The following SGCD variants were observed in gnomAD, a reference collection of about 807,000 sequenced individuals.
SGCD encodes delta-sarcoglycan.
In SGCD, 18 loss-of-function variants were observed where a neutral mutation model predicts 36.6. The observed-to-expected ratio is 0.49, with a 90% CI of 0.34 to 0.73. The LOEUF is 0.73. Among genes scored for constraint, SGCD ranks in the 30% least tolerant of loss-of-function variants. The pLI, the probability that SGCD is intolerant of heterozygous loss-of-function variation, is 0.01. For missense variants in SGCD, 387 were observed against 346.7 expected (o/e 1.12, Z -0.92); for synonymous variants, 133 against 130.6 (o/e 1.02, Z -0.12).
At chr5:155,795,815 A>T in the SGCD span, among the ~76,000 whole-genome samples, 4 of 152,194 alleles carry the variant, frequency 2.6e-5, no homozygotes, top group African/African-American at 9.6e-5. Flanking sequence ...TGTCCTCTAC[A>T]CTGTAAGCAA....
chr5:156,635,100 C>T (rs986643507), intron 6 of SGCD, among the ~76,000 whole-genome samples: 4 of 151,576 alleles, frequency 2.6e-5, no homozygotes, highest in East Asian at 1.9e-4. Context: ...TGACATGTCC[C>T]GGTAGTCAAG....
chr5:155,947,531 G>A (rs1457786827), intron 1 of SGCD, among the ~76,000 whole-genome samples: 1 of 152,012 alleles, frequency 6.6e-6, no homozygotes, highest in Non-Finnish European at 1.5e-5. Context: ...TAAGAATAAG[G>A]CCCATTCACC....
chr5:156,384,978 C>A (rs937741198), intron 3 of SGCD, among the ~76,000 whole-genome samples: 1 of 152,152 alleles, frequency 6.6e-6, no homozygotes, highest in African/African-American at 2.4e-5. Context: ...TGCGAAAGCA[C>A]ACCAATGCTG....
chr5:156,601,979 C>T (rs985039172), intron 6 of SGCD, among the ~76,000 whole-genome samples: 11 of 152,146 alleles, frequency 7.2e-5, no homozygotes, highest in Non-Finnish European at 1.5e-4. Flanking sequence ...CTGAGCCTGG[C>T]CGTGTCATTG....
chr5:155,979,906 T>TGA (rs1758191743), intron 1 of SGCD, among the ~76,000 whole-genome samples: 1 of 152,192 alleles, frequency 6.6e-6, no homozygotes, highest in Admixed American at 6.5e-5. Flanking sequence ...ATTCATATGC[T>TGA]GAGATTCCAG....
intron 3 of SGCD, among the ~76,000 whole-genome samples, chr5:156,255,265 C>T (rs979553938): frequency 6.6e-6 from 1 of 152,016 alleles, no homozygotes; most frequent in African/African-American, 2.4e-5. Context: ...CTTGCATAAT[C>T]GATATAAACC....
intron 1 of SGCD, among the ~76,000 whole-genome samples, chr5:155,872,915 G>T (rs1009090703): frequency 6.6e-6 from 1 of 152,168 alleles, no homozygotes; most frequent in African/African-American, 2.4e-5. Flanking sequence ...AACTTCGTGT[G>T]TTAAAAAAAT....
At chr5:156,211,451 CA>C (rs1362285474) in intron 3 of SGCD, among the ~76,000 whole-genome samples, 1 of 151,600 alleles carries the variant, frequency 6.6e-6, no homozygotes, top group African/African-American at 2.4e-5. Flanking sequence ...ACTAAAAATA[CA>C]AAAAAATTAG....
chr5:156,176,881 A>G (rs1581148641), intron 3 of SGCD, among the ~76,000 whole-genome samples: 1 of 151,418 alleles, frequency 6.6e-6, no homozygotes, highest in Admixed American at 6.6e-5. Flanking sequence ...ATTGTCAGGG[A>G]TGAGGATTTT....
At chr5:155,893,802 T>TA (rs1488210822) in intron 1 of SGCD, among the ~76,000 whole-genome samples, 4 of 152,222 alleles carry the variant, frequency 2.6e-5, no homozygotes, top group Non-Finnish European at 5.9e-5. Flanking sequence ...GCTAACATAA[T>TA]AGAGTGTACT....
intron 3 of SGCD, among the ~76,000 whole-genome samples, chr5:156,395,127 T>G (rs1771779217): frequency 6.6e-6 from 1 of 152,218 alleles, no homozygotes; most frequent in African/African-American, 2.4e-5. Context: ...GGCTATTTAT[T>G]CTGAGCTTGC....
At chr5:156,605,109 T>C (rs1581240751) in intron 6 of SGCD, among the ~76,000 whole-genome samples, 1 of 152,144 alleles carries the variant, frequency 6.6e-6, no homozygotes, top group Admixed American at 6.5e-5. Flanking sequence ...TGCAGGTTTG[T>C]TACCTATGTA....
chr5:156,350,017 G>C (rs1490132323), intron 3 of SGCD, among the ~76,000 whole-genome samples: 1 of 151,802 alleles, frequency 6.6e-6, no homozygotes, highest in Non-Finnish European at 1.5e-5. Flanking sequence ...TTTTTGATAA[G>C]TGGGAGCTAA....
chr5:156,571,907 T>C (rs2113292218), intron 4 of SGCD, among the ~76,000 whole-genome samples: 1 of 152,342 alleles, frequency 6.6e-6, no homozygotes, highest in Admixed American at 6.5e-5. Flanking sequence ...CATTCAGCAA[T>C]CACTTTTATC....
At chr5:156,655,085 T>C (rs1227399187) in intron 7 of SGCD, among the ~76,000 whole-genome samples, 2 of 152,168 alleles carry the variant, frequency 1.3e-5, no homozygotes, top group African/African-American at 4.8e-5. Context: ...TTTAATATTC[T>C]ATACCCAGAT....
chr5:155,936,954 C>G (rs1483018510), intron 1 of SGCD, among the ~76,000 whole-genome samples: 1 of 152,190 alleles, frequency 6.6e-6, no homozygotes, highest in Non-Finnish European at 1.5e-5. Flanking sequence ...GGCCAGGCTG[C>G]AACAGCACCC....
intron 3 of SGCD, among the ~76,000 whole-genome samples, chr5:156,287,184 A>G (rs1259424584): frequency 6.6e-6 from 1 of 152,170 alleles, no homozygotes; most frequent in Non-Finnish European, 1.5e-5. Flanking sequence ...GCAGTTTCCA[A>G]AATTTGCTGT....
chr5:156,647,622 T>A, intron 7 of SGCD, 86 bp downstream of exon 7: 1 of 878,576 alleles, frequency 1.1e-6, no homozygotes, highest in Non-Finnish European at 1.8e-6. Flanking sequence ...GAATAAATAA[T>A]AAGTGTCACA....
At chr5:156,583,361 C>T (rs908711905) in intron 4 of SGCD, among the ~76,000 whole-genome samples, 1 of 152,200 alleles carries the variant, frequency 6.6e-6, no homozygotes, top group Admixed American at 6.5e-5. Flanking sequence ...CCAAGCAACA[C>T]GAGGATTATC....
Sources: gnomAD v4.1 joint callset for allele counts (sites outside exome capture counted in the v4.1 genomes callset) on GRCh38, gnomAD v4.1.1 for gene constraint, MANE v1.5 for transcripts, NCBI Gene and HGNC (gene_info 2026-07-23, HGNC 2026-07-21) for gene names.